The following GRM3 variants were observed in gnomAD, a reference collection of about 807,000 sequenced individuals.
GRM3 encodes glutamate metabotropic receptor 3.
A neutral mutation model predicts 70.5 loss-of-function variants in GRM3; 26 were observed. The observed-to-expected ratio is 0.37, with a 90% CI of 0.27 to 0.51. GRM3 has a LOEUF of 0.51. Ranked by LOEUF, GRM3 falls within the 20% of genes least tolerant of loss-of-function variation. The probability of loss-of-function intolerance (pLI) is 0.93; values close to 1 mark genes in which losing one functional copy is unlikely to be tolerated. For synonymous variants in GRM3, 443 were observed against 434.9 expected, an observed-to-expected ratio of 1.02 and a Z score of -0.23; for missense variants, 859 against 1,123.8, an observed-to-expected ratio of 0.76 and a Z score of 3.37.
chr7:86,785,397 G>A (rs1393496634), intron 2 of GRM3, among the ~76,000 whole-genome samples: 2 of 151,934 alleles, frequency 1.3e-5, no homozygotes, highest in Non-Finnish European at 1.5e-5. Context: ...AAATAAAAAT[G>A]ATAAATATTG....
intron 1 of GRM3, among the ~76,000 whole-genome samples, chr7:86,715,932 A>G (rs1216822350): frequency 6.6e-6 from 1 of 152,050 alleles, no homozygotes; most frequent in East Asian, 1.9e-4. Context: ...GAGACAAAAT[A>G]TGTAAAAGCA....
chr7:86,805,755 TATTATG>T (rs1471155741), intron 3 of GRM3, among the ~76,000 whole-genome samples: 7 of 152,332 alleles, frequency 4.6e-5, no homozygotes, highest in African/African-American at 1.7e-4. Flanking sequence ...TCTTTTTTAT[TATTATG>T]ATTATATTTT....
chr7:86,818,708 A>C (rs1479932184), intron 3 of GRM3, among the ~76,000 whole-genome samples: 2 of 152,138 alleles, frequency 1.3e-5, no homozygotes, highest in Non-Finnish European at 2.9e-5. Flanking sequence ...TTAAGTAAAA[A>C]ATAAAAGTGC....
chr7:86,715,675 A>T (rs181427488), intron 1 of GRM3, among the ~76,000 whole-genome samples: 16 of 152,116 alleles, frequency 1.1e-4, no homozygotes, highest in Middle Eastern at 3.4e-3. Context: ...GACTCTAAAG[A>T]TACAAACACA....
intron 5 of GRM3, among the ~76,000 whole-genome samples, chr7:86,862,637 TGTAACTTGAG>T (rs940341967): frequency 1.3e-5 from 2 of 152,132 alleles, no homozygotes; most frequent in African/African-American, 4.8e-5. Context: ...ATGACTCCAG[TGTAACTTGAG>T]GTAGCCACAC....
intron 1 of GRM3, among the ~76,000 whole-genome samples, chr7:86,711,638 T>C (rs1795203103): frequency 6.6e-6 from 1 of 152,138 alleles, no homozygotes; most frequent in African/African-American, 2.4e-5. Context: ...TGGAAGATGA[T>C]GTATAATGGG....
At chr7:86,712,909 G>C (rs1209611346) in intron 1 of GRM3, among the ~76,000 whole-genome samples, 1 of 151,684 alleles carries the variant, frequency 6.6e-6, no homozygotes, top group Non-Finnish European at 1.5e-5. Context: ...TTTATATTTT[G>C]GCTATTGTGA....
Position 86,688,476 on chromosome 7 carries a change from C to T in GRM3, c.-141+43604C>T, listed in dbSNP as rs1352172217. ...CAAAGTTTTCAATACCTAATTAGCA[C>T]AAAATTTAACTGTATAAAGCAAAAA... On this transcript the variant is annotated intron_variant, in intron 1 of 5. Transcript: ENST00000361669. Among the ~76,000 whole-genome samples, 9 of 151,572 alleles carry T rather than the reference C, an allele frequency of 5.9e-5. No individual in the cohort carries two copies. The South Asian group carries it at 1.7e-3, about 28-fold the overall frequency.
chr7:86,765,689 T>C (rs1796584385), intron 2 of GRM3, 76 bp downstream of exon 2: 1 of 1,183,648 alleles, frequency 8.4e-7, no homozygotes, highest in Non-Finnish European at 1.2e-6. Flanking sequence ...AAGGAAAATA[T>C]CATAATAACG....
chr7:86,761,730 T>C (rs1796484800), intron 1 of GRM3, among the ~76,000 whole-genome samples: 1 of 152,142 alleles, frequency 6.6e-6, no homozygotes, highest in South Asian at 2.1e-4. Flanking sequence ...ATCATTTTTG[T>C]TCATATAATT....
At chr7:86,722,055 A>G (rs1795479064) in intron 1 of GRM3, among the ~76,000 whole-genome samples, 1 of 152,112 alleles carries the variant, frequency 6.6e-6, no homozygotes, top group South Asian at 2.1e-4. Context: ...GAAAATTGAA[A>G]GAAACTCTTG....
chr7:86,656,838 A>C (rs1296332989), intron 1 of GRM3, among the ~76,000 whole-genome samples: 4 of 152,180 alleles, frequency 2.6e-5, no homozygotes, highest in African/African-American at 9.7e-5. Context: ...TATAGGAATC[A>C]ATGTCTACAA....
rs776698247 is a variant in GRM3, at chr7:86,786,497, C to T, written c.705C>T (p.Arg235=). ...TGIEAFEQEA[R]LRNICIATAE... is the part of the protein sequence containing the mutation. ...TCGAGGCCTTCGAGCAGGAAGCCCG[C>T]CTGCGCAACATCTGCATCGCTACGG... Residue 235 remains arginine, a synonymous_variant, in exon 3 of 6, where the codon CGC becomes CGT. Coordinates refer to ENST00000361669, the MANE Select transcript of GRM3 (RefSeq NM_000840.3). The surrounding 1 kb of genome is among the most constrained non-coding windows in gnomAD (Gnocchi z 6.0). 6.2e-7 allele frequency: 1 copy of T among 1,614,250 alleles called. No individual in the cohort carries two copies. Among genetic ancestry groups the T allele is most frequent in the Non-Finnish European group, 8.5e-7 (1 of 1,180,046 alleles).
chr7:86,751,209 C>T lies in GRM3; in HGVS notation c.-140-13797C>T, dbSNP rs566065789. Among the ~76,000 whole-genome samples the T allele has an allele frequency of 1.4e-3, 216 of 152,164 alleles. 2 individuals carry two copies. The highest frequency in any genetic ancestry group is 4.9e-3 in the African/African-American group (205 of 41,544). On this transcript the variant is annotated intron_variant, in intron 1 of 5. Coordinates refer to ENST00000361669, the MANE Select transcript of GRM3 (RefSeq NM_000840.3). Reference sequence around the variant, plus strand: ...AGCTCTGCCATGCAGTTTGCCCATCCAGTTGGAAATGGTAATCTATCCCAA... The same window carrying T: ...AGCTCTGCCATGCAGTTTGCCCATCTAGTTGGAAATGGTAATCTATCCCAA...
intron 1 of GRM3, among the ~76,000 whole-genome samples, chr7:86,724,740 C>G (rs1452887319): frequency 6.6e-6 from 1 of 151,976 alleles, no homozygotes; most frequent in Admixed American, 6.6e-5. Context: ...ATTCATAAAT[C>G]ACACTCTTGA....
At chr7:86,848,053 A>G (rs531637084) in intron 4 of GRM3, among the ~76,000 whole-genome samples, 3 of 152,194 alleles carry the variant, frequency 2.0e-5, no homozygotes, top group Non-Finnish European at 4.4e-5. Context: ...TGTTCACTAC[A>G]TGTGAGGCTC....
chr7:86,715,567 T>C (rs901447319), intron 1 of GRM3, among the ~76,000 whole-genome samples: 1 of 151,956 alleles, frequency 6.6e-6, no homozygotes, highest in Admixed American at 6.6e-5. Flanking sequence ...CATCTTAAGG[T>C]CATATATCCT....
Position 86,765,551 on chromosome 7 carries a change from G to C in GRM3, c.406G>C (p.Glu136Gln), listed in dbSNP as rs777773327. The change falls in exon 2 of 6, where the codon GAA (glutamate) becomes CAA (glutamine). Residue 136 changes from glutamate (E) to glutamine (Q), a missense_variant. Coordinates refer to ENST00000361669, the MANE Select transcript of GRM3 (RefSeq NM_000840.3). ...MCPDGSYAIQ[E>Q]NIPLLIAGVI... ...TCCTGATGGATCCTATGCCATTCAA[G>C]AAAACATCCCACTTCTCATTGCAGG... 6.2e-7 allele frequency: 1 copy of C among 1,613,690 alleles called. No individual in the cohort carries two copies. The highest frequency in any genetic ancestry group is 8.5e-7 in the Non-Finnish European group (1 of 1,179,734).
chr7:86,862,595 G>GA (rs1255669824), intron 5 of GRM3, among the ~76,000 whole-genome samples: 1 of 151,942 alleles, frequency 6.6e-6, no homozygotes, highest in Non-Finnish European at 1.5e-5. Context: ...ATAAGAAGAA[G>GA]AAAAAAATCT....
Sources: allele counts gnomAD v4.1 joint callset (sites outside exome capture counted in the v4.1 genomes callset), GRCh38; gene constraint gnomAD v4.1.1; non-coding constraint Gnocchi (gnomAD v3.1); transcripts MANE v1.5; gene names NCBI Gene and HGNC (gene_info 2026-07-23, HGNC 2026-07-21).